ASTN2: variants seen among roughly 807,000 people sequenced by gnomAD.
ASTN2 encodes astrotactin-2.
ASTN2 carries 54 observed loss-of-function variants against 139.8 expected under a neutral mutation model. The ratio of observed to expected loss-of-function variants is 0.39; its 90% CI spans 0.31 to 0.48. The LOEUF (loss-of-function observed/expected upper bound fraction) is 0.48, where lower values mean the gene tolerates loss of function less well. Among genes scored for constraint, ASTN2 ranks in the 20% least tolerant of loss-of-function variants. The probability of loss-of-function intolerance (pLI) is 0.95; values close to 1 mark genes in which losing one functional copy is unlikely to be tolerated. For synonymous variants in ASTN2, 756 were observed against 719.5 expected (o/e 1.05, Z -0.81); for missense variants, 1,565 against 1,725.1 (o/e 0.91, Z 1.64).
At chr9:116,732,255 G>A (rs977290403) in intron 14 of ASTN2, among the ~76,000 whole-genome samples, 1 of 152,182 alleles carries the variant, frequency 6.6e-6, no homozygotes, top group African/African-American at 2.4e-5. Context: ...CAAGTTTAAA[G>A]GGGACAATAA....
intron 1 of ASTN2, among the ~76,000 whole-genome samples, chr9:117,395,359 G>C (rs562904485): frequency 6.6e-6 from 1 of 152,320 alleles, no homozygotes; most frequent in African/African-American, 2.4e-5. Context: ...AAAAAAACAT[G>C]CTGGGGAAGT....
At chr9:117,328,613 A>G (rs1008512329) in intron 1 of ASTN2, among the ~76,000 whole-genome samples, 2 of 151,612 alleles carry the variant, frequency 1.3e-5, no homozygotes, top group African/African-American at 2.4e-5. Context: ...ATCCCTCACC[A>G]CTCCTATGCC....
At chr9:116,550,789 G>C (rs905943116) in intron 19 of ASTN2, among the ~76,000 whole-genome samples, 8 of 152,148 alleles carry the variant, frequency 5.3e-5, no homozygotes, top group Non-Finnish European at 7.3e-5. Context: ...AGGTGGGTTG[G>C]GACAAGGTAA....
At chr9:117,363,617 T>C (rs1829753396) in intron 1 of ASTN2, among the ~76,000 whole-genome samples, 1 of 152,062 alleles carries the variant, frequency 6.6e-6, no homozygotes, top group Non-Finnish European at 1.5e-5. Context: ...ACATTTTTGG[T>C]TACAGTTAAG....
At position 116,620,386 on chromosome 9, in the gene ASTN2, C is replaced by T. The variant is rs780288008; in HGVS notation, c.3130G>A (p.Asp1044Asn). The change falls in exon 18 of 23, where the codon GAT (aspartate) becomes AAT (asparagine). Residue 1044 changes from aspartate (D) to asparagine (N), a missense_variant. Physicochemically the swap from Asp to Asn is conservative, Grantham distance 23. Coordinates refer to ENST00000313400, the MANE Select transcript of ASTN2 (RefSeq NM_001365068.1). Reference sequence around the variant, plus strand: ...CTGAGGTCACACCTGCACCAGTCATCGATCACATCCCCTTTCCCTGAGCAC... The same window carrying T: ...CTGAGGTCACACCTGCACCAGTCATTGATCACATCCCCTTTCCCTGAGCAC... Reference protein sequence around the residue: ...YWCSGKGDVIDDWCRCDLSAF... With the variant: ...YWCSGKGDVINDWCRCDLSAF... The T allele has an allele frequency of 1.2e-6, 2 of 1,614,138 alleles. No individual in the cohort carries two copies. Among genetic ancestry groups the T allele is most frequent in the South Asian group, 2.2e-5 (2 of 91,082 alleles).
intron 10 of ASTN2, among the ~76,000 whole-genome samples, chr9:116,910,950 C>A (rs1288940641): frequency 6.6e-6 from 1 of 152,132 alleles, no homozygotes; most frequent in Non-Finnish European, 1.5e-5. Flanking sequence ...ACGGCTTGAG[C>A]ACTTTATAAA....
intron 22 of ASTN2, among the ~76,000 whole-genome samples, chr9:116,434,051 G>A (rs934858407): frequency 6.6e-6 from 1 of 152,084 alleles, no homozygotes; most frequent in Non-Finnish European, 1.5e-5. Context: ...CTAGTTCAAA[G>A]TCCAAAGTCA....
At chr9:117,229,265 C>A (rs1832814292) in intron 2 of ASTN2, among the ~76,000 whole-genome samples, 1 of 152,164 alleles carries the variant, frequency 6.6e-6, no homozygotes, top group Non-Finnish European at 1.5e-5. Flanking sequence ...CGCCCCCAAG[C>A]CCTACCATGA....
chr9:116,464,487 G>A (rs1051274104), intron 20 of ASTN2, among the ~76,000 whole-genome samples: 4 of 152,150 alleles, frequency 2.6e-5, no homozygotes, highest in Non-Finnish European at 5.9e-5. Flanking sequence ...TAAAGGCTTA[G>A]CAGAGTGACT....
intron 13 of ASTN2, among the ~76,000 whole-genome samples, chr9:116,803,463 G>T (rs887496484): frequency 1.6e-5 from 2 of 125,378 alleles, no homozygotes; most frequent in African/African-American, 2.8e-5. Context: ...CTACAGACAT[G>T]TACCACCAAG....
intron 6 of ASTN2, among the ~76,000 whole-genome samples, chr9:117,034,807 G>A (rs1035380058): frequency 3.3e-5 from 5 of 152,138 alleles, no homozygotes; most frequent in Admixed American, 6.6e-5. Flanking sequence ...GTGTGCTTAG[G>A]AGGGCAAAAA....
chr9:117,136,540 C>T (rs566906232), intron 4 of ASTN2, among the ~76,000 whole-genome samples: 1 of 152,196 alleles, frequency 6.6e-6, no homozygotes, highest in African/African-American at 2.4e-5. Flanking sequence ...GCCCCCAGTG[C>T]AAGTGACAGA....
At chr9:117,381,732 G>A (rs1430019932) in intron 1 of ASTN2, among the ~76,000 whole-genome samples, 1 of 152,086 alleles carries the variant, frequency 6.6e-6, no homozygotes, top group Non-Finnish European at 1.5e-5. Flanking sequence ...TTTCTTTATA[G>A]CAATGTGTGA....
chr9:117,019,952 A>G lies in ASTN2; in HGVS notation c.1424-11693T>C, dbSNP rs531498352. Among the ~76,000 whole-genome samples, 22 of 151,778 alleles carry G rather than the reference A, an allele frequency of 1.4e-4. No individual in the cohort carries two copies. In the South Asian group the frequency reaches 4.6e-3, roughly 32 times the overall value. ...CAAGTTGCCCGAAAATAGATAAAGT[A>G]TCATCTCAGATTTGAAATAAACAAA... On this transcript the variant is annotated intron_variant, in intron 6 of 22. Transcript: ENST00000313400.
intron 16 of ASTN2, among the ~76,000 whole-genome samples, chr9:116,715,591 C>T (rs560963288): frequency 2.6e-5 from 4 of 152,094 alleles, no homozygotes; most frequent in Admixed American, 6.6e-5. Context: ...CAGCCTTGTT[C>T]CCTCCACTCC....
chr9:116,481,234 G>C (rs1849158811), intron 20 of ASTN2, among the ~76,000 whole-genome samples: 1 of 152,116 alleles, frequency 6.6e-6, no homozygotes, highest in African/African-American at 2.4e-5. Context: ...ACAAAAATTA[G>C]CTGGACATGA....
chr9:116,884,971 G>A (rs536139876), intron 10 of ASTN2, among the ~76,000 whole-genome samples: 2 of 151,830 alleles, frequency 1.3e-5, no homozygotes, highest in South Asian at 4.2e-4. Context: ...GCCCGCCACT[G>A]TGCCCGGCTA....
chr9:117,233,149 G>A (rs150350965), intron 2 of ASTN2, among the ~76,000 whole-genome samples: 245 of 152,288 alleles, frequency 1.6e-3, no homozygotes, highest in Middle Eastern at 6.8e-3. Flanking sequence ...GAGGGGCAGA[G>A]AGCAGGCTGA....
In ASTN2 at chr9:116,442,486, C is replaced by T. The variant is rs1487853593; in HGVS notation, c.3565G>A (p.Ala1189Thr). The T allele has an allele frequency of 6.2e-6, 10 of 1,614,088 alleles. No individual in the cohort carries two copies. The East Asian group carries it at 1.3e-4, about 22-fold the overall frequency. ...SELSTVTLRT[A>T]CPLVDDNKAE... is the part of the protein sequence containing the mutation. ...TTGTTGTCATCTACCAGTGGACAGG[C>T]CGTCCTCAGGGTCACCGTGCTTAGC... The change falls in exon 21 of 23, where the codon GCC becomes ACC. Residue 1189 changes from alanine (A) to threonine (T), a missense_variant. Physicochemically the swap from Ala to Thr is moderately conservative, Grantham distance 58. Coordinates refer to ENST00000313400, the MANE Select transcript of ASTN2 (RefSeq NM_001365068.1).
Sources: gnomAD v4.1 joint callset for allele counts (sites outside exome capture counted in the v4.1 genomes callset) on GRCh38, gnomAD v4.1.1 for gene constraint, MANE v1.5 for transcripts, NCBI Gene and HGNC (gene_info 2026-07-23, HGNC 2026-07-21) for gene names.